KHDRBS2: variants seen among roughly 807,000 people sequenced by gnomAD.
KHDRBS2 encodes KH RNA binding domain containing, signal transduction associated 2.
In KHDRBS2, 26 loss-of-function variants were observed where a neutral mutation model predicts 44.3. The ratio of observed to expected loss-of-function variants is 0.59; its 90% CI spans 0.43 to 0.81. The LOEUF is 0.81. Ranked by LOEUF, KHDRBS2 falls within the 40% of genes least tolerant of loss-of-function variation. The pLI is 0.00. For missense variants in KHDRBS2, 476 were observed against 433.1 expected, an observed-to-expected ratio of 1.10 and a Z score of -0.88; for synonymous variants, 194 against 151.1, an observed-to-expected ratio of 1.28 and a Z score of -2.08.
At chr6:61,879,448 G>A (rs1249398029) in intron 6 of KHDRBS2, among the ~76,000 whole-genome samples, 2 of 151,806 alleles carry the variant, frequency 1.3e-5, no homozygotes, top group African/African-American at 4.8e-5. Context: ...AGACCTGTCT[G>A]GCTCTGTTTT....
chr6:62,028,916 A>C (rs1783852251), intron 3 of KHDRBS2, among the ~76,000 whole-genome samples: 1 of 152,086 alleles, frequency 6.6e-6, no homozygotes, highest in Non-Finnish European at 1.5e-5. Context: ...AAAATTAAGA[A>C]GTGATAATTT....
chr6:61,639,837 G>A, the KHDRBS2 span, among the ~76,000 whole-genome samples: 2 of 151,870 alleles, frequency 1.3e-5, no homozygotes, highest in Non-Finnish European at 2.9e-5. Context: ...GTGACAACCT[G>A]GTTATAAAAC....
chr6:62,169,210 T>C (rs209012), intron 2 of KHDRBS2, among the ~76,000 whole-genome samples: 23,826 of 145,440 alleles, frequency 0.16, 2,308 homozygotes, highest in African/African-American at 0.25. Context: ...TGTATATATA[T>C]GTATATATAC....
At chr6:62,270,828 G>T (rs1280118536) in intron 1 of KHDRBS2, among the ~76,000 whole-genome samples, 1 of 152,040 alleles carries the variant, frequency 6.6e-6, no homozygotes, top group Non-Finnish European at 1.5e-5. Flanking sequence ...CTATGAGATC[G>T]TTGGTAAGAA....
intron 6 of KHDRBS2, among the ~76,000 whole-genome samples, chr6:61,852,841 G>A (rs1258687285): frequency 6.6e-6 from 1 of 151,972 alleles, no homozygotes; most frequent in Non-Finnish European, 1.5e-5. Context: ...AGTGAGTTCT[G>A]TTTACTTTTC....
intron 3 of KHDRBS2, among the ~76,000 whole-genome samples, chr6:61,993,967 T>C (rs1776697701): frequency 6.6e-6 from 1 of 152,064 alleles, no homozygotes; most frequent in Non-Finnish European, 1.5e-5. Context: ...GTGATAATCA[T>C]ATTTTACCTC....
chr6:61,925,637 G>T (rs1279033607), intron 4 of KHDRBS2, among the ~76,000 whole-genome samples: 2 of 151,344 alleles, frequency 1.3e-5, no homozygotes, highest in South Asian at 4.2e-4. Flanking sequence ...TGGGAGGATC[G>T]ATTAAGCCTG....
chr6:62,040,097 GC>G (rs1414671086), intron 3 of KHDRBS2, among the ~76,000 whole-genome samples: 3 of 152,120 alleles, frequency 2.0e-5, no homozygotes, highest in Non-Finnish European at 2.9e-5. Flanking sequence ...TCTCTTGGCA[GC>G]CTTTTATTTG....
At chr6:62,249,665 A>T (rs1836199734) in intron 1 of KHDRBS2, among the ~76,000 whole-genome samples, 1 of 152,060 alleles carries the variant, frequency 6.6e-6, no homozygotes, top group Non-Finnish European at 1.5e-5. Flanking sequence ...GCGGCCATTT[A>T]ACTGTAATTG....
chr6:61,597,862 A>T, the KHDRBS2 span, among the ~76,000 whole-genome samples: 1 of 140,498 alleles, frequency 7.1e-6, no homozygotes, highest in Non-Finnish European at 1.6e-5. Context: ...ACACACAAAC[A>T]AAGAAACATG....
At chr6:61,803,249 T>C (rs1715030) in intron 6 of KHDRBS2, among the ~76,000 whole-genome samples, 96,654 of 151,862 alleles carry the variant, frequency 0.64, 31,527 homozygotes, top group African/African-American at 0.79. Flanking sequence ...TTGCAGGCAG[T>C]ACTGTTGCCT....
Position 62,053,355 on chromosome 6 carries a change from A to G in KHDRBS2, c.220-5361T>C, listed in dbSNP as rs1367584773. On this transcript the variant is annotated intron_variant, in intron 2 of 8. Transcript: ENST00000281156. The stretch of plus-strand genomic sequence containing the variant: ...TGCATAGACCAAAGCCACTCATAAA[A>G]GAAAAAAAAAATGACATGAAAAAAC... Among the ~76,000 whole-genome samples the G allele has an allele frequency of 2.6e-5, 4 of 151,980 alleles. No individual in the cohort carries two copies. In the East Asian group the frequency reaches 5.9e-4, roughly 22 times the overall value.
intron 2 of KHDRBS2, among the ~76,000 whole-genome samples, chr6:62,163,045 G>A (rs1817972545): frequency 6.6e-6 from 1 of 151,904 alleles, no homozygotes; most frequent in African/African-American, 2.4e-5. Context: ...CTTATGTAAG[G>A]GCATGGCACA....
chr6:62,245,475 C>T (rs991277243), intron 1 of KHDRBS2, among the ~76,000 whole-genome samples: 19 of 152,052 alleles, frequency 1.2e-4, no homozygotes, highest in Admixed American at 3.3e-4. Context: ...GTTTCTACTT[C>T]AAGCAATTTT....
At chr6:62,100,476 A>T (rs1801608904) in intron 2 of KHDRBS2, among the ~76,000 whole-genome samples, 1 of 152,186 alleles carries the variant, frequency 6.6e-6, no homozygotes, top group South Asian at 2.1e-4. Flanking sequence ...ATCAAACAGC[A>T]TCACATGCTA....
intron 2 of KHDRBS2, among the ~76,000 whole-genome samples, chr6:62,056,609 A>G (rs1327673381): frequency 6.6e-6 from 1 of 152,012 alleles, no homozygotes; most frequent in Non-Finnish European, 1.5e-5. Flanking sequence ...TGTTGGATGT[A>G]TTAAATATTA....
At chr6:61,963,722 A>C (rs559870467) in intron 4 of KHDRBS2, among the ~76,000 whole-genome samples, 1 of 152,182 alleles carries the variant, frequency 6.6e-6, no homozygotes, top group South Asian at 2.1e-4. Flanking sequence ...ATTGGGACAC[A>C]TAGCCGGCAG....
chr6:62,026,969 C>T (rs1260057088), intron 3 of KHDRBS2, among the ~76,000 whole-genome samples: 1 of 151,222 alleles, frequency 6.6e-6, no homozygotes, highest in African/African-American at 2.4e-5. Flanking sequence ...TGAATTTTGT[C>T]CAGGAAAATT....
chr6:61,943,115 G>C (rs13200752), intron 4 of KHDRBS2, among the ~76,000 whole-genome samples: 1 of 149,654 alleles, frequency 6.7e-6, no homozygotes, highest in African/African-American at 2.5e-5. Context: ...AGAAAGAAAA[G>C]AAAAAAGAAA....
Sources: gnomAD v4.1 joint callset for allele counts (sites outside exome capture counted in the v4.1 genomes callset) on GRCh38, gnomAD v4.1.1 for gene constraint, MANE v1.5 for transcripts, NCBI Gene and HGNC (gene_info 2026-07-23, HGNC 2026-07-21) for gene names.